Variants in ESR1 observed in about 807,000 individuals in gnomAD.
ESR1 encodes the protein estrogen receptor 1, also known as estrogen receptor.
ESR1 carries 12 observed loss-of-function variants against 52.7 expected under a neutral mutation model. The observed-to-expected ratio is 0.23, with a 90% CI of 0.15 to 0.37. The LOEUF is 0.37. Ranked by LOEUF, ESR1 falls within the 10% of genes least tolerant of loss-of-function variation. The pLI is 1.00. For missense variants in ESR1, 584 were observed against 779.7 expected, an observed-to-expected ratio of 0.75 and a Z score of 2.99; for synonymous variants, 305 against 316.8, an observed-to-expected ratio of 0.96 and a Z score of 0.39.
At chr6:151,772,814 G>C (rs1378422110) in intron 2 of ESR1, among the ~76,000 whole-genome samples, 1 of 152,194 alleles carries the variant, frequency 6.6e-6, no homozygotes, top group South Asian at 2.1e-4. Flanking sequence ...AAAGCTCTGG[G>C]TGGTTGTAAA....
At position 152,010,627 on chromosome 6, in the gene ESR1, G is replaced by C. The variant is rs144119195; in HGVS notation, c.1097-1029G>C. On this transcript the variant is annotated intron_variant, in intron 4 of 7. Coordinates refer to ENST00000206249, the MANE Select transcript of ESR1 (RefSeq NM_000125.4). Reference sequence around the variant, plus strand: ...ATGTGTGTGGTGTGTGATTTATTTAGTCACTTGATCCAAATTCTCTAATTA... The same window carrying C: ...ATGTGTGTGGTGTGTGATTTATTTACTCACTTGATCCAAATTCTCTAATTA... 4.6e-5 allele frequency among the ~76,000 whole-genome samples: 7 copies of C among 152,170 alleles called. No homozygotes were observed. In the East Asian group the frequency reaches 1.2e-3, roughly 25 times the overall value.
chr6:152,095,766 C>G (rs569277815), intron 7 of ESR1, among the ~76,000 whole-genome samples: 1 of 152,320 alleles, frequency 6.6e-6, no homozygotes, highest in South Asian at 2.1e-4. Context: ...ACACTCTGTT[C>G]TTCCCTATGG....
At chr6:151,868,065 G>T (rs1433917115) in intron 2 of ESR1, among the ~76,000 whole-genome samples, 1 of 152,050 alleles carries the variant, frequency 6.6e-6, no homozygotes, top group Non-Finnish European at 1.5e-5. Flanking sequence ...CTCAGGTAAT[G>T]AGCATAGTAC....
intron 2 of ESR1, among the ~76,000 whole-genome samples, chr6:151,755,558 C>T (rs1784221008): frequency 6.6e-6 from 1 of 152,198 alleles, no homozygotes; most frequent in Non-Finnish European, 1.5e-5. Flanking sequence ...CTTTCCTGCC[C>T]ATGCTCTGTC....
chr6:151,782,343 T>C (rs968661986), intron 2 of ESR1, among the ~76,000 whole-genome samples: 3 of 152,258 alleles, frequency 2.0e-5, no homozygotes, highest in African/African-American at 7.2e-5. Context: ...TTTCTTACTT[T>C]ACGTAAGATG....
intron 2 of ESR1, among the ~76,000 whole-genome samples, chr6:151,864,994 G>C (rs1266707099): frequency 6.6e-6 from 1 of 151,466 alleles, no homozygotes; most frequent in Non-Finnish European, 1.5e-5. Flanking sequence ...TGTAAATGAT[G>C]AGTTAATGGG....
chr6:152,026,308 T>G (rs1452706661), intron 5 of ESR1, among the ~76,000 whole-genome samples: 1 of 152,084 alleles, frequency 6.6e-6, no homozygotes, highest in Non-Finnish European at 1.5e-5. Context: ...TTATTATGCC[T>G]TATGGCTTTT....
intron 6 of ESR1, among the ~76,000 whole-genome samples, chr6:152,123,197 A>G (rs540756017): frequency 2.0e-4 from 30 of 152,312 alleles, no homozygotes; most frequent in African/African-American, 6.7e-4. Flanking sequence ...CAGACCCATA[A>G]AAGCTTCATT....
At chr6:151,775,841 G>A (rs991083151) in intron 2 of ESR1, among the ~76,000 whole-genome samples, 2 of 152,098 alleles carry the variant, frequency 1.3e-5, no homozygotes, top group South Asian at 2.1e-4. Context: ...AGAAGATATT[G>A]TTCAAGGCCT....
At chr6:152,084,395 C>T (rs1747441462) in intron 6 of ESR1, among the ~76,000 whole-genome samples, 2 of 151,466 alleles carry the variant, frequency 1.3e-5, no homozygotes, top group Admixed American at 1.3e-4. Flanking sequence ...ACGTTGTGCA[C>T]CTGTACCCTA....
At chr6:151,898,929 G>T (rs1160764391) in intron 3 of ESR1, among the ~76,000 whole-genome samples, 3 of 152,018 alleles carry the variant, frequency 2.0e-5, no homozygotes, top group Non-Finnish European at 4.4e-5. Flanking sequence ...CCTCCCAGAC[G>T]GGGTGGTGGC....
chr6:152,007,113 C>T (rs369345262), intron 4 of ESR1, among the ~76,000 whole-genome samples: 3 of 151,970 alleles, frequency 2.0e-5, no homozygotes, highest in African/African-American at 7.3e-5. Flanking sequence ...GATCTCTGCA[C>T]ACTTTTCAAC....
chr6:151,940,453 C>T (rs1331305848), intron 3 of ESR1, among the ~76,000 whole-genome samples: 3 of 152,164 alleles, frequency 2.0e-5, no homozygotes, highest in South Asian at 2.1e-4. Context: ...TCTTTCCAGT[C>T]GTATTTTGTT....
At chr6:151,777,020 A>G (rs1277102343) in intron 2 of ESR1, among the ~76,000 whole-genome samples, 1 of 152,044 alleles carries the variant, frequency 6.6e-6, no homozygotes, top group Non-Finnish European at 1.5e-5. Context: ...TGTGAATGGC[A>G]TCTGAGAAAG....
At chr6:151,832,725 G>A (rs552231317) in intron 1 of ESR1, among the ~76,000 whole-genome samples, 2 of 152,236 alleles carry the variant, frequency 1.3e-5, no homozygotes, top group African/African-American at 4.8e-5. Context: ...TGAAAAGTGC[G>A]ATTCCAGGTG....
chr6:151,820,284 C>T (rs1009919065), intron 1 of ESR1, among the ~76,000 whole-genome samples: 1 of 152,180 alleles, frequency 6.6e-6, no homozygotes, highest in Non-Finnish European at 1.5e-5. Flanking sequence ...TAAATGCTTA[C>T]TAACTTATAG....
chr6:151,657,161 C>CT (rs1383117663), intron 1 of ESR1, among the ~76,000 whole-genome samples: 1 of 151,956 alleles, frequency 6.6e-6, no homozygotes, highest in Non-Finnish European at 1.5e-5. Flanking sequence ...CATCATATGT[C>CT]TTTATCATTA....
At chr6:152,122,397 T>G (rs1463663999) in intron 6 of ESR1, 44 of 1,613,696 alleles carry the variant, frequency 2.7e-5, no homozygotes, top group Non-Finnish European at 3.4e-5. Flanking sequence ...CCGATCCTCC[T>G]TATGCTACCA....
chr6:151,729,388 G>C (rs35240111), intron 2 of ESR1, among the ~76,000 whole-genome samples: 42,800 of 152,038 alleles, frequency 0.28, 6,251 homozygotes, highest in African/African-American at 0.33. Flanking sequence ...GTTTTAGCAG[G>C]CTGAATGGAC....
Sources: allele counts gnomAD v4.1 joint callset (sites outside exome capture counted in the v4.1 genomes callset), GRCh38; gene constraint gnomAD v4.1.1; transcripts MANE v1.5; gene names NCBI Gene and HGNC (gene_info 2026-07-23, HGNC 2026-07-21).